The following ARHGEF11 variants were observed in gnomAD, a reference collection of about 807,000 sequenced individuals.
ARHGEF11 encodes Rho guanine exchange factor (GEF) 11.
Under a neutral mutation model 193.7 loss-of-function variants are expected in ARHGEF11, and 55 were observed. The observed-to-expected ratio is 0.28, with a 90% CI of 0.23 to 0.36. ARHGEF11 has a LOEUF of 0.36. Ranked by LOEUF, ARHGEF11 falls within the 10% of genes least tolerant of loss-of-function variation. The pLI, the probability that ARHGEF11 is intolerant of heterozygous loss-of-function variation, is 1.00. For synonymous variants in ARHGEF11, 693 were observed against 768.0 expected (o/e 0.90, Z 1.62); for missense variants, 1,723 against 2,005.6 (o/e 0.86, Z 2.69).
chr1:156,944,447 A>ACCATTCATTCATTCATTCAT lies in ARHGEF11; in HGVS notation c.2992-34_2992-15dup. The ACCATTCATTCATTCATTCAT allele has an allele frequency of 6.5e-7, 1 of 1,544,082 alleles. No homozygotes were observed. Among genetic ancestry groups the ACCATTCATTCATTCATTCAT allele is most frequent in the Non-Finnish European group, 8.7e-7 (1 of 1,150,164 alleles). On this transcript the variant is annotated splice_polypyrimidine_tract_variant and intron_variant, in intron 30 of 40. Coordinates refer to ENST00000368194, the MANE Select transcript of ARHGEF11 (RefSeq NM_198236.3). The stretch of plus-strand genomic sequence containing the variant: ...AAGATCCAGGCTCTGTTAAGGAGAC[A>ACCATTCATTCATTCATTCAT]CCATTCATTCATTCATTCATTCATT...
At chr1:157,005,796 C>T (rs1382137978) in intron 1 of ARHGEF11, among the ~76,000 whole-genome samples, 3 of 152,142 alleles carry the variant, frequency 2.0e-5, no homozygotes, top group Non-Finnish European at 4.4e-5. Flanking sequence ...TGAACTTTCC[C>T]TGGAGTTCAT....
intron 3 of ARHGEF11, 37 bp from the exon 4 acceptor site, chr1:156,980,523 C>A: frequency 6.4e-7 from 1 of 1,569,458 alleles, no homozygotes; most frequent in Non-Finnish European, 8.7e-7. Context: ...TGCCCAACAA[C>A]CTCTTCCACT....
In ARHGEF11 at chr1:157,044,983, A is replaced by G. The variant is rs1673175125; in HGVS notation, c.-653T>C. On this transcript the variant is annotated 5_prime_UTR_variant, in exon 1 of 41. Transcript: ENST00000368194. ...ACACAACAGCACTCCTTCCAAGTCC[A>G]GTGCAACCCTGGGAACCAAAATTTA... is the stretch of plus-strand genomic sequence containing the variant. The G allele has an allele frequency of 1.3e-5, 2 of 152,868 alleles. No homozygotes were observed. Among genetic ancestry groups the G allele is most frequent in the Non-Finnish European group, 2.9e-5 (2 of 68,556 alleles). 9.5% of individuals were successfully genotyped at this position (152,868 alleles called of 1,614,324 possible). A position where few individuals can be genotyped will look rare whatever the true frequency, so the allele number is the denominator to read the frequency against.
chr1:156,936,917 T>G lies in ARHGEF11; in HGVS notation c.4529A>C (p.Glu1510Ala). Residue 1510 changes from glutamate (E) to alanine (A), a missense_variant, in exon 40 of 41, where the codon GAA becomes GCA. Transcript: ENST00000368194. ...GGAGCCATCTGTCCATCTAGCTGCTTCTGTGTGGAAACTGCCCACAGGCGT... is the reference window on the plus strand; with the variant it reads ...GGAGCCATCTGTCCATCTAGCTGCTGCTGTGTGGAAACTGCCCACAGGCGT... ...GTTPVGSFHT[E>A]AARWTDGSLS... The G allele has an allele frequency of 6.2e-7, 1 of 1,614,110 alleles. No individual in the cohort carries two copies. The highest frequency in any genetic ancestry group is 8.5e-7 in the Non-Finnish European group (1 of 1,180,028).
At chr1:156,998,837 G>T (rs1438988854) in intron 1 of ARHGEF11, among the ~76,000 whole-genome samples, 1 of 152,128 alleles carries the variant, frequency 6.6e-6, no homozygotes, top group Non-Finnish European at 1.5e-5. Context: ...TCAAACTTAT[G>T]TTCAATGAAA....
Position 156,980,499 on chromosome 1 carries a change from G to A in ARHGEF11, c.224-13C>T. On this transcript the variant is annotated splice_polypyrimidine_tract_variant and intron_variant, in intron 3 of 40. Coordinates refer to ENST00000368194, the MANE Select transcript of ARHGEF11 (RefSeq NM_198236.3). Reference sequence around the variant, plus strand: ...ATGGCTGCACCTCCTGTAAGGAGAAGGCCTGGTCAGCAGTGCCCAACAACC... The same window carrying A: ...ATGGCTGCACCTCCTGTAAGGAGAAAGCCTGGTCAGCAGTGCCCAACAACC... 1 of 1,586,264 alleles carries A rather than the reference G, an allele frequency of 6.3e-7. No individual in the cohort carries two copies. The highest frequency in any genetic ancestry group is 8.6e-7 in the Non-Finnish European group (1 of 1,164,628).
In ARHGEF11 at chr1:156,959,028, G is replaced by A; in HGVS notation, c.1379+18C>T. ...AGGTGAACGAGGAGAGAGGTGGGAG[G>A]TCAGCTCCTGGGCCAACCTGTAGTC... is the stretch of plus-strand genomic sequence containing the variant. On this transcript the variant is annotated intron_variant, in intron 16 of 40. Transcript: ENST00000368194. 1 of 1,613,902 alleles carries A rather than the reference G, an allele frequency of 6.2e-7. No individual in the cohort carries two copies.
intron 1 of ARHGEF11, among the ~76,000 whole-genome samples, chr1:157,038,570 G>C (rs930363113): frequency 1.3e-5 from 2 of 152,192 alleles, no homozygotes; most frequent in African/African-American, 4.8e-5. Context: ...CTGAAAATGG[G>C]AGAGGCCTTC....
At chr1:156,938,584 G>A in intron 37 of ARHGEF11, 71 bp from the exon 38 acceptor site, 1 of 1,489,150 alleles carries the variant, frequency 6.7e-7, no homozygotes, top group Non-Finnish European at 9.3e-7. Context: ...AGAGAGAACA[G>A]GAAGGAGAGA....
At chr1:156,962,837 C>T (rs1290390350) in intron 13 of ARHGEF11, among the ~76,000 whole-genome samples, 4 of 147,074 alleles carry the variant, frequency 2.7e-5, no homozygotes, top group Non-Finnish European at 4.4e-5. Context: ...TGAGATCGCG[C>T]CACTGCACTC....
chr1:157,007,529 A>C (rs1667972800), intron 1 of ARHGEF11, among the ~76,000 whole-genome samples: 1 of 152,116 alleles, frequency 6.6e-6, no homozygotes, highest in South Asian at 2.1e-4. Flanking sequence ...ATTAGTGTAG[A>C]GTGTCTGGCA....
chr1:156,940,856 C>T (rs537309840), intron 35 of ARHGEF11, among the ~76,000 whole-genome samples: 16 of 152,138 alleles, frequency 1.1e-4, no homozygotes, highest in Non-Finnish European at 2.1e-4. Flanking sequence ...CAGAAGGAAA[C>T]AACAGGGACC....
At chr1:156,960,582 A>G in intron 14 of ARHGEF11, 122 bp from the exon 15 acceptor site, 1 of 822,544 alleles carries the variant, frequency 1.2e-6, no homozygotes, top group Non-Finnish European at 2.0e-6. Context: ...ACATCTGCCT[A>G]CCATCCTTCT....
chr1:157,011,978 G>A (rs755339081), intron 1 of ARHGEF11, among the ~76,000 whole-genome samples: 7 of 152,050 alleles, frequency 4.6e-5, no homozygotes, highest in Non-Finnish European at 7.4e-5. Flanking sequence ...TCCACTCCTA[G>A]GTATATACCC....
chr1:157,010,381 A>G (rs1318317455), intron 1 of ARHGEF11, among the ~76,000 whole-genome samples: 1 of 152,086 alleles, frequency 6.6e-6, no homozygotes, highest in African/African-American at 2.4e-5. Context: ...AAAAAATTAG[A>G]ACTAAGCTGC....
rs1337265856 is a variant in ARHGEF11 at position 156,955,748 on chromosome 1, G to C, written c.1723C>G (p.Pro575Ala). The change falls in exon 20 of 41, where the codon CCT becomes GCT. Residue 575 changes from proline (P) to alanine (A), a missense_variant. Transcript: ENST00000368194. ...GGCTTCCCAATGTATTTGAGGATAG[G>C]GTTTCGCTTCTTGTCCTCCAAGGCA... The part of the protein sequence containing the change: ...KDALEDKKRN[P>A]ILKYIGKPKS... 5 of 1,614,066 alleles carry C rather than the reference G, an allele frequency of 3.1e-6. No individual in the cohort carries two copies. Among genetic ancestry groups the C allele is most frequent in the Non-Finnish European group, 4.2e-6 (5 of 1,180,028 alleles).
At chr1:157,026,303 T>G (rs1333474296) in intron 1 of ARHGEF11, among the ~76,000 whole-genome samples, 1 of 152,232 alleles carries the variant, frequency 6.6e-6, no homozygotes, top group Non-Finnish European at 1.5e-5. Flanking sequence ...CTTCCTATTT[T>G]ATTAAGCACT....
At chr1:157,022,962 G>A (rs768129219) in intron 1 of ARHGEF11, among the ~76,000 whole-genome samples, 1 of 152,142 alleles carries the variant, frequency 6.6e-6, no homozygotes, top group Non-Finnish European at 1.5e-5. Context: ...GCAAAAGTAC[G>A]AAGTTGGACC....
intron 3 of ARHGEF11, among the ~76,000 whole-genome samples, chr1:156,983,214 T>G (rs1416036402): frequency 6.6e-6 from 1 of 152,004 alleles, no homozygotes; most frequent in South Asian, 2.1e-4. Context: ...GCCTTTCTTT[T>G]TTTTTTGTTT....
Sources: gnomAD v4.1 joint callset for allele counts (sites outside exome capture counted in the v4.1 genomes callset) on GRCh38, gnomAD v4.1.1 for gene constraint, MANE v1.5 for transcripts, NCBI Gene and HGNC (gene_info 2026-07-23, HGNC 2026-07-21) for gene names.